LMLN: variants seen among roughly 807,000 people sequenced by gnomAD.
LMLN encodes the protein leishmanolysin like peptidase.
A neutral mutation model predicts 92.3 loss-of-function variants in LMLN; 70 were observed. The ratio of observed to expected loss-of-function variants is 0.76; its 90% CI spans 0.63 to 0.92. The LOEUF is 0.92. LMLN is among the 40% of genes least tolerant of loss of function. LMLN has a pLI of 0.00. For synonymous variants in LMLN, 308 were observed against 296.2 expected (o/e 1.04, Z -0.41); for missense variants, 691 against 814.6 (o/e 0.85, Z 1.85).
intron 11 of LMLN, among the ~76,000 whole-genome samples, chr3:198,014,436 C>A (rs868602048): frequency 8.9e-6 from 1 of 112,024 alleles, no homozygotes; most frequent in African/African-American, 3.7e-5. Context: ...CCCTTCAGAG[C>A]CCCCTAACTA....
chr3:198,007,585 A>C lies in LMLN; in HGVS notation c.1232+8243A>C, dbSNP rs187891111. ...CTTCACCAATAACACACAGTCCTTA[A>C]TTACTGTAATTATTTAATAAGTCTT... is the stretch of plus-strand genomic sequence containing the variant. On this transcript the variant is annotated intron_variant, in intron 11 of 15. Coordinates refer to ENST00000330198, the Ensembl canonical transcript of LMLN. 4.0e-4 allele frequency among the ~76,000 whole-genome samples: 61 copies of C among 152,330 alleles called. 1 individual carries two copies. Among genetic ancestry groups the C allele is most frequent in the African/African-American group, 1.4e-3 (59 of 41,576 alleles).
At chr3:198,024,285 G>T (rs376213903) in intron 13 of LMLN, among the ~76,000 whole-genome samples, 5 of 147,564 alleles carry the variant, frequency 3.4e-5, no homozygotes, top group East Asian at 4.0e-4. Flanking sequence ...GTACAATCTC[G>T]GCTCACTGCA....
chr3:197,977,336 C>T (rs1364805998), intron 5 of LMLN, among the ~76,000 whole-genome samples: 3 of 151,992 alleles, frequency 2.0e-5, no homozygotes, highest in Non-Finnish European at 2.9e-5. Context: ...GAAACACAGA[C>T]AATAAAAAAA....
intron 6 of LMLN, among the ~76,000 whole-genome samples, chr3:197,980,909 C>T (rs779435304): frequency 1.0e-4 from 15 of 150,286 alleles, no homozygotes; most frequent in Non-Finnish European, 2.2e-4. Context: ...AGCTCGAGAC[C>T]CGCTTGGGCA....
exon 11 of LMLN, chr3:197,999,320 C>G: frequency 6.2e-7 from 1 of 1,612,644 alleles, no homozygotes; most frequent in Non-Finnish European, 8.5e-7. Flanking sequence ...TCGAATCACT[C>G]TGGCATTAAT....
intron 15 of LMLN, among the ~76,000 whole-genome samples, chr3:198,037,885 A>T (rs1723276514): frequency 6.6e-6 from 1 of 152,222 alleles, no homozygotes; most frequent in South Asian, 2.1e-4. Context: ...GTATGGGTAG[A>T]TATTTAGAAA....
At chr3:198,009,120 G>A (rs1235828177) in intron 11 of LMLN, among the ~76,000 whole-genome samples, 1 of 152,020 alleles carries the variant, frequency 6.6e-6, no homozygotes, top group Non-Finnish European at 1.5e-5. Flanking sequence ...GTTTTTGGTT[G>A]AAGTAGTCTG....
intron 4 of LMLN, 52 bp from the exon 5 acceptor site, chr3:197,976,546 A>G (rs952712826): frequency 4.8e-6 from 5 of 1,050,118 alleles, no homozygotes; most frequent in Non-Finnish European, 7.0e-6. Context: ...TTTAACTGCT[A>G]TAAAATATTC....
chr3:198,038,512 T>C, intron 15 of LMLN, 55 bp from the exon 17 acceptor site: 2 of 1,211,896 alleles, frequency 1.7e-6, no homozygotes, highest in Non-Finnish European at 2.5e-6. Context: ...ATTTAATTGG[T>C]ATGATTTATC....
intron 1 of LMLN, among the ~76,000 whole-genome samples, chr3:197,968,651 C>T (rs75702027): frequency 1.7e-3 from 253 of 152,240 alleles, no homozygotes; most frequent in African/African-American, 5.1e-3. Context: ...CGCCTCCAGC[C>T]GGTCCCTCCG....
chr3:198,002,449 GGAC>G (rs2109904106), intron 11 of LMLN, among the ~76,000 whole-genome samples: 1 of 152,336 alleles, frequency 6.6e-6, no homozygotes, highest in East Asian at 1.9e-4. Context: ...AAAAACTAAT[GGAC>G]ATAGGCTGGG....
chr3:197,990,312 C>G (rs944952390), intron 8 of LMLN, among the ~76,000 whole-genome samples: 14 of 152,210 alleles, frequency 9.2e-5, no homozygotes, highest in African/African-American at 3.4e-4. Flanking sequence ...GTCTTCCCAC[C>G]TCGGCCTGCT....
chr3:197,969,081 CTCTG>C (rs1233758680), intron 1 of LMLN, among the ~76,000 whole-genome samples: 3 of 151,218 alleles, frequency 2.0e-5, no homozygotes, highest in East Asian at 1.9e-4. Context: ...TTTGTATTCT[CTCTG>C]TCTTTTTTTT....
intron 1 of LMLN, among the ~76,000 whole-genome samples, chr3:197,967,713 C>T (rs1195227149): frequency 6.6e-6 from 1 of 152,124 alleles, no homozygotes; most frequent in African/African-American, 2.4e-5. Context: ...GTTTTTTCCC[C>T]ACCCTAATAA....
exon 15 of LMLN, chr3:198,036,026 C>T (rs534568686): frequency 1.2e-6 from 2 of 1,613,490 alleles, no homozygotes; most frequent in African/African-American, 2.7e-5. Context: ...ACTAACCTGA[C>T]CCGAGCTCTG....
intron 1 of LMLN, among the ~76,000 whole-genome samples, chr3:197,964,093 A>G (rs73894235): frequency 1.5e-3 from 229 of 152,322 alleles, no homozygotes; most frequent in African/African-American, 5.1e-3. Context: ...ATTTTCCAAT[A>G]GTAAATCAAC....
intron 1 of LMLN, among the ~76,000 whole-genome samples, chr3:197,967,909 G>A (rs542028037): frequency 1.3e-3 from 192 of 152,290 alleles, no homozygotes; most frequent in African/African-American, 4.4e-3. Flanking sequence ...TCCATTTATA[G>A]ACTCTCTGCA....
At chr3:197,991,298 G>A (rs1721862216) in intron 9 of LMLN, among the ~76,000 whole-genome samples, 1 of 151,840 alleles carries the variant, frequency 6.6e-6, no homozygotes, top group Admixed American at 6.6e-5. Context: ...TAGTGATGAG[G>A]TCTCGCTATG....
intron 8 of LMLN, among the ~76,000 whole-genome samples, chr3:197,990,038 C>CTTATTTTATTTTATT (rs201995486): frequency 6.6e-6 from 1 of 151,588 alleles, no homozygotes; most frequent in African/African-American, 2.4e-5. Flanking sequence ...CCATGCCTGG[C>CTTATTTTATTTTATT]TTATTTTATT....
Sources: allele counts gnomAD v4.1 joint callset (sites outside exome capture counted in the v4.1 genomes callset), GRCh38; gene constraint gnomAD v4.1.1; transcripts MANE v1.5; gene names NCBI Gene and HGNC (gene_info 2026-07-23, HGNC 2026-07-21).